KCNIP1: variants seen among roughly 807,000 people sequenced by gnomAD.
KCNIP1 encodes A-type potassium channel modulatory protein KCNIP1.
Under a neutral mutation model 33.0 loss-of-function variants are expected in KCNIP1, and 18 were observed. The ratio of observed to expected loss-of-function variants is 0.55; its 90% confidence interval spans 0.38 to 0.81. KCNIP1 has a LOEUF of 0.81. Ranked by LOEUF, KCNIP1 falls within the 30% of genes least tolerant of loss-of-function variation. The pLI is 0.00. For synonymous variants in KCNIP1, 93 were observed against 98.3 expected, an observed-to-expected ratio of 0.95 and a Z score of 0.32; for missense variants, 238 against 271.6, an observed-to-expected ratio of 0.88 and a Z score of 0.87.
chr5:170,606,263 G>A (rs1474431719), intron 1 of KCNIP1, among the ~76,000 whole-genome samples: 1 of 152,162 alleles, frequency 6.6e-6, no homozygotes, highest in Non-Finnish European at 1.5e-5. Context: ...TATATACCCA[G>A]GAGTGGAATC....
At chr5:170,362,729 T>G (rs1304333450) in intron 1 of KCNIP1, among the ~76,000 whole-genome samples, 1 of 152,240 alleles carries the variant, frequency 6.6e-6, no homozygotes, top group Non-Finnish European at 1.5e-5. Context: ...GGTGTGATTC[T>G]GGGGCTTGTA....
intron 1 of KCNIP1, among the ~76,000 whole-genome samples, chr5:170,527,228 G>A (rs972603200): frequency 6.6e-6 from 1 of 151,998 alleles, no homozygotes; most frequent in East Asian, 1.9e-4. Context: ...GAGCTTCCAG[G>A]GTCTGACACA....
intron 1 of KCNIP1, among the ~76,000 whole-genome samples, chr5:170,423,894 C>A (rs540156440): frequency 6.6e-6 from 1 of 152,130 alleles, no homozygotes; most frequent in Non-Finnish European, 1.5e-5. Flanking sequence ...AGCTACCAAA[C>A]GGAGGTAGCG....
At chr5:170,699,919 C>T (rs376716891) in intron 1 of KCNIP1, among the ~76,000 whole-genome samples, 15 of 152,176 alleles carry the variant, frequency 9.9e-5, no homozygotes, top group African/African-American at 3.4e-4. Flanking sequence ...CCCCAGCAAA[C>T]GGGAGGGACC....
At chr5:170,554,173 A>G (rs1363351178) in intron 1 of KCNIP1, among the ~76,000 whole-genome samples, 1 of 152,068 alleles carries the variant, frequency 6.6e-6, no homozygotes, top group East Asian at 1.9e-4. Context: ...GTGTATCCCA[A>G]AGAAAATATT....
intron 1 of KCNIP1, among the ~76,000 whole-genome samples, chr5:170,506,953 G>T (rs970344280): frequency 2.6e-5 from 4 of 152,226 alleles, no homozygotes; most frequent in Non-Finnish European, 5.9e-5. Flanking sequence ...TGGAAACCTG[G>T]AGGAAGCCCT....
rs76391114 is a variant in KCNIP1 at position 170,525,145 on chromosome 5, G to A, written c.61+20512G>A. Among the ~76,000 whole-genome samples, 30 of 152,274 alleles carry A rather than the reference G, an allele frequency of 2.0e-4. No individual in the cohort carries two copies. In the East Asian group the frequency reaches 4.6e-3, roughly 24 times the overall value. ...ACCAGGATACGTGGAAAGAACCCAC[G>A]CCTGGGAGCCAGCTGTCCTGGGCTT... On this transcript the variant is annotated intron_variant, in intron 1 of 7. Transcript: ENST00000328939.
chr5:170,637,079 A>G (rs1464908473), intron 1 of KCNIP1, among the ~76,000 whole-genome samples: 1 of 151,790 alleles, frequency 6.6e-6, no homozygotes, highest in Admixed American at 6.6e-5. Context: ...ATAGACAGCC[A>G]ATCAGCAGCC....
At chr5:170,562,374 G>A (rs1231102347) in intron 1 of KCNIP1, among the ~76,000 whole-genome samples, 1 of 152,206 alleles carries the variant, frequency 6.6e-6, no homozygotes, top group Non-Finnish European at 1.5e-5. Context: ...ATGACTGCAT[G>A]GGGTTCTGCA....
intron 1 of KCNIP1, among the ~76,000 whole-genome samples, chr5:170,704,205 T>TGGGGAATCGTCTGGAAAGGTAGACC (rs1554113076): frequency 1.1e-4 from 13 of 122,702 alleles, no homozygotes; most frequent in South Asian, 2.8e-4. Context: ...TGACAGGGAT[T>TGGGGAATCGTCTGGAAAGGTAGACC]AGTCTCTGTG....
At chr5:170,602,681 A>T (rs529540759) in intron 1 of KCNIP1, among the ~76,000 whole-genome samples, 1 of 152,300 alleles carries the variant, frequency 6.6e-6, no homozygotes, top group African/African-American at 2.4e-5. Context: ...GGATAGACTC[A>T]AGGACTAAGA....
At chr5:170,695,320 T>G (rs935795941) in intron 1 of KCNIP1, among the ~76,000 whole-genome samples, 3 of 152,172 alleles carry the variant, frequency 2.0e-5, no homozygotes, top group African/African-American at 7.2e-5. Context: ...ATTTTTTAAT[T>G]AAATTTTTAA....
chr5:170,556,261 C>T (rs1756843436), intron 1 of KCNIP1, among the ~76,000 whole-genome samples: 2 of 152,280 alleles, frequency 1.3e-5, no homozygotes, highest in East Asian at 1.9e-4. Context: ...TTGTCAAAAT[C>T]GCTGTGCTAG....
intron 1 of KCNIP1, among the ~76,000 whole-genome samples, chr5:170,615,483 T>C (rs1759331332): frequency 6.6e-6 from 1 of 152,300 alleles, no homozygotes; most frequent in Admixed American, 6.5e-5. Flanking sequence ...GAGCTGGCAT[T>C]TTCATTAATA....
At chr5:170,598,902 C>CGTGTGTGTGTGT (rs1251870404) in intron 1 of KCNIP1, among the ~76,000 whole-genome samples, 1 of 50,430 alleles carries the variant, frequency 2.0e-5, no homozygotes, top group African/African-American at 8.0e-5. Context: ...TGTGTGTGTG[C>CGTGTGTGTGTGT]GCGTGTGTGT....
chr5:170,668,486 G>C (rs1157545600), intron 1 of KCNIP1, among the ~76,000 whole-genome samples: 1 of 152,214 alleles, frequency 6.6e-6, no homozygotes. Flanking sequence ...GGTTGTTCCA[G>C]CACCATGTCA....
At chr5:170,368,384 C>T (rs1033243161) in intron 1 of KCNIP1, among the ~76,000 whole-genome samples, 1 of 152,136 alleles carries the variant, frequency 6.6e-6, no homozygotes, top group African/African-American at 2.4e-5. Flanking sequence ...TGTGCCTCAG[C>T]CTCCCAAGAA....
At chr5:170,630,311 G>C (rs901510487) in intron 1 of KCNIP1, among the ~76,000 whole-genome samples, 2 of 152,230 alleles carry the variant, frequency 1.3e-5, no homozygotes, top group African/African-American at 4.8e-5. Flanking sequence ...CAGCACCGAT[G>C]ACTTAATGTA....
intron 1 of KCNIP1, among the ~76,000 whole-genome samples, chr5:170,700,428 G>A (rs1329824583): frequency 1.3e-5 from 2 of 152,144 alleles, no homozygotes; most frequent in East Asian, 1.9e-4. Context: ...AATTAGCTTG[G>A]CATTGTGGCA....
Sources: gnomAD v4.1 joint callset for allele counts (sites outside exome capture counted in the v4.1 genomes callset) on GRCh38, gnomAD v4.1.1 for gene constraint, MANE v1.5 for transcripts, NCBI Gene and HGNC (gene_info 2026-07-23, HGNC 2026-07-21) for gene names.